Variants in SPSB4 observed in about 807,000 individuals in gnomAD.
The protein encoded by SPSB4 is SPRY domain-containing SOCS box protein 4.
Under a neutral mutation model 20.9 loss-of-function variants are expected in SPSB4, and 21 were observed. That is an observed-to-expected ratio of 1.01 (90% CI 0.71 to 1.45). The LOEUF (loss-of-function observed/expected upper bound fraction) is 1.45. SPSB4 is among the 40% of genes most tolerant of loss of function. SPSB4 has a pLI of 0.00. For missense variants in SPSB4, 399 were observed against 399.2 expected (o/e 1.00, Z 0.00); for synonymous variants, 207 against 183.8 (o/e 1.13, Z -1.02).
At position 141,078,990 on chromosome 3, in the gene SPSB4, G is replaced by A. The variant is rs187520591; in HGVS notation, c.694+12192G>A. 5.5e-3 allele frequency among the ~76,000 whole-genome samples: 844 copies of A among 152,254 alleles called. 9 individuals carry two copies. The highest frequency in any genetic ancestry group is 0.02 in the African/African-American group (811 of 41,534). On this transcript the variant is annotated intron_variant, in intron 2 of 2. Coordinates refer to ENST00000310546, the MANE Select transcript of SPSB4 (RefSeq NM_080862.3). ...GAAAAGCACATTTGGGGCCGGGCAC[G>A]GTGGCTCATGCCTGTAATCCCAGCA...
At chr3:141,108,626 A>G (rs1432672572) in intron 2 of SPSB4, among the ~76,000 whole-genome samples, 3 of 152,238 alleles carry the variant, frequency 2.0e-5, no homozygotes, top group Admixed American at 1.3e-4. Context: ...GCCATGCCTC[A>G]AAGAGCCCCT....
chr3:141,061,075 T>C (rs897375564), intron 1 of SPSB4, among the ~76,000 whole-genome samples: 5 of 152,234 alleles, frequency 3.3e-5, no homozygotes, highest in African/African-American at 1.2e-4. Flanking sequence ...TTTTCATTTC[T>C]TGTTTTACAT....
chr3:141,138,066 A>G (rs371911649), intron 2 of SPSB4, among the ~76,000 whole-genome samples: 31 of 151,936 alleles, frequency 2.0e-4, no homozygotes, highest in African/African-American at 6.8e-4. Context: ...GTCTTGGGAG[A>G]GTGTATGTGT....
intron 2 of SPSB4, among the ~76,000 whole-genome samples, chr3:141,084,479 C>T (rs1483771859): frequency 6.6e-6 from 1 of 152,194 alleles, no homozygotes; most frequent in Non-Finnish European, 1.5e-5. Context: ...AATGCTTGGC[C>T]CCCCTCCCCC....
chr3:141,131,057 T>C (rs1939122459), intron 2 of SPSB4, among the ~76,000 whole-genome samples: 1 of 152,184 alleles, frequency 6.6e-6, no homozygotes, highest in Admixed American at 6.5e-5. Flanking sequence ...GGGTGCTTCC[T>C]GGGCTGATGG....
chr3:141,142,405 A>C (rs1939344342), intron 2 of SPSB4, among the ~76,000 whole-genome samples: 1 of 152,122 alleles, frequency 6.6e-6, no homozygotes, highest in Admixed American at 6.6e-5. Flanking sequence ...GTCTGAGAGG[A>C]TACTTGATAT....
At chr3:141,130,229 T>C (rs1939112968) in intron 2 of SPSB4, among the ~76,000 whole-genome samples, 2 of 152,168 alleles carry the variant, frequency 1.3e-5, no homozygotes, top group African/African-American at 2.4e-5. Flanking sequence ...AGCCAAGTCA[T>C]TGAGGAAGAG....
chr3:141,138,490 C>A (rs1178569794), intron 2 of SPSB4, among the ~76,000 whole-genome samples: 1 of 152,142 alleles, frequency 6.6e-6, no homozygotes, highest in African/African-American at 2.4e-5. Flanking sequence ...AAGTTTCCCT[C>A]TACACACTGC....
chr3:141,102,252 G>A (rs892652288), intron 2 of SPSB4, among the ~76,000 whole-genome samples: 7 of 152,226 alleles, frequency 4.6e-5, no homozygotes, highest in Admixed American at 2.0e-4. Flanking sequence ...AGCAGGTACT[G>A]TGGCCAGGCC....
intron 1 of SPSB4, among the ~76,000 whole-genome samples, chr3:141,064,758 T>C (rs1006315951): frequency 3.3e-5 from 5 of 152,206 alleles, no homozygotes. Flanking sequence ...GCCTCTGCTC[T>C]GGACAGGGCT....
At chr3:141,123,747 G>T (rs762576646) in intron 2 of SPSB4, among the ~76,000 whole-genome samples, 3 of 152,240 alleles carry the variant, frequency 2.0e-5, no homozygotes, top group Non-Finnish European at 4.4e-5. Flanking sequence ...TTCCAGTGCT[G>T]CAGTGACAGG....
intron 2 of SPSB4, among the ~76,000 whole-genome samples, chr3:141,093,943 T>C (rs1400833238): frequency 6.6e-6 from 1 of 152,206 alleles, no homozygotes; most frequent in African/African-American, 2.4e-5. Flanking sequence ...TGAGCCTCTG[T>C]TTCCACCTCT....
chr3:141,094,874 C>T lies in SPSB4; in HGVS notation c.694+28076C>T, dbSNP rs577624165. Among the ~76,000 whole-genome samples the T allele has an allele frequency of 4.0e-5, 6 of 149,060 alleles. No homozygotes were observed. The East Asian group carries it at 8.1e-4, about 20-fold the overall frequency. On this transcript the variant is annotated intron_variant, in intron 2 of 2. Transcript: ENST00000310546. ...CCTCACCCTATCCCTTGTGTTGGCTCACCCTGTAGCTGGCTGAGGACAAGC... is the reference window on the plus strand; with the variant it reads ...CCTCACCCTATCCCTTGTGTTGGCTTACCCTGTAGCTGGCTGAGGACAAGC...
intron 2 of SPSB4, among the ~76,000 whole-genome samples, chr3:141,140,016 G>A (rs1296252026): frequency 5.3e-5 from 8 of 152,038 alleles, no homozygotes; most frequent in Admixed American, 1.3e-4. Context: ...CATATTTCTC[G>A]GAGGCTTTGT....
chr3:141,135,744 G>T (rs1007010079), intron 2 of SPSB4, among the ~76,000 whole-genome samples: 1 of 151,996 alleles, frequency 6.6e-6, no homozygotes, highest in African/African-American at 2.4e-5. Flanking sequence ...GTCTATCATT[G>T]TTGGACATTT....
Position 141,147,303 on chromosome 3 carries a change from A to T in SPSB4, c.*34A>T. The T allele has an allele frequency of 6.2e-7, 1 of 1,613,014 alleles. No individual in the cohort carries two copies. Among genetic ancestry groups the T allele is most frequent in the Non-Finnish European group, 8.5e-7 (1 of 1,179,274 alleles). The stretch of plus-strand genomic sequence containing the variant: ...TGATGGGCAGCACAGACACAGACAC[A>T]CACCGCAGGGCCCGACCCTCCTGTC... On this transcript the variant is annotated 3_prime_UTR_variant, in exon 3 of 3. Transcript: ENST00000310546.
intron 2 of SPSB4, among the ~76,000 whole-genome samples, chr3:141,074,273 G>T (rs1370380222): frequency 1.3e-5 from 2 of 152,124 alleles, no homozygotes; most frequent in Middle Eastern, 3.4e-3. Flanking sequence ...TTTGCTACGA[G>T]GTGTCAGGAT....
At chr3:141,146,805 A>G (rs1222918993) in intron 2 of SPSB4, among the ~76,000 whole-genome samples, 2 of 151,706 alleles carry the variant, frequency 1.3e-5, no homozygotes, top group African/African-American at 4.8e-5. Context: ...CTGAACACCT[A>G]CATCAGAGAC....
At chr3:141,121,620 C>G (rs1938967818) in intron 2 of SPSB4, among the ~76,000 whole-genome samples, 1 of 152,190 alleles carries the variant, frequency 6.6e-6, no homozygotes, top group South Asian at 2.1e-4. Context: ...TCTTTTCACT[C>G]TTTTTGCTCT....
Sources: gnomAD v4.1 joint callset for allele counts (sites outside exome capture counted in the v4.1 genomes callset) on GRCh38, gnomAD v4.1.1 for gene constraint, MANE v1.5 for transcripts, NCBI Gene and HGNC (gene_info 2026-07-23, HGNC 2026-07-21) for gene names.